The following SSC4D variants were observed in gnomAD, a reference collection of about 807,000 sequenced individuals.
SSC4D encodes scavenger receptor cysteine-rich domain-containing group B protein.
SSC4D carries 57 observed loss-of-function variants against 63.4 expected under a neutral mutation model. The observed-to-expected ratio is 0.90, with a 90% CI of 0.73 to 1.12. SSC4D has a LOEUF of 1.12. Among genes scored for constraint, SSC4D ranks in the 50% most tolerant of loss-of-function variants. SSC4D has a pLI of 0.00. For synonymous variants in SSC4D, 352 were observed against 345.4 expected, an observed-to-expected ratio of 1.02 and a Z score of -0.21; for missense variants, 791 against 806.4, an observed-to-expected ratio of 0.98 and a Z score of 0.23.
At chr7:76,397,283 A>C (rs1247406661) in intron 6 of SSC4D, among the ~76,000 whole-genome samples, 1 of 152,182 alleles carries the variant, frequency 6.6e-6, no homozygotes, top group East Asian at 1.9e-4. Flanking sequence ...GATTAGTGCA[A>C]TATTGTTTCA....
chr7:76,400,112 AG>A (rs1398464374), intron 4 of SSC4D, among the ~76,000 whole-genome samples, 173 bp downstream of exon 4: 1 of 152,202 alleles, frequency 6.6e-6, no homozygotes, highest in African/African-American at 2.4e-5. Flanking sequence ...GCAATGACCC[AG>A]AAGAATCCCT....
chr7:76,391,153 G>A (rs1804487091), intron 10 of SSC4D, among the ~76,000 whole-genome samples: 1 of 150,704 alleles, frequency 6.6e-6, no homozygotes, highest in Admixed American at 6.6e-5. Flanking sequence ...ATAAGATGGG[G>A]CCAGGCGCAG....
chr7:76,398,704 C>T lies in SSC4D; in HGVS notation c.553+16G>A. ...TCTCCCAAAACCCAGGTGGTGCCCA[C>T]ATTATGCTTACGTACTTTTTCCATT... On this transcript the variant is annotated intron_variant, in intron 5 of 10. Transcript: ENST00000275560. The T allele has an allele frequency of 6.2e-7, 1 of 1,612,176 alleles. No individual in the cohort carries two copies. Among genetic ancestry groups the T allele is most frequent in the Middle Eastern group, 1.7e-4 (1 of 5,990 alleles).
At position 76,400,305 on chromosome 7, in the gene SSC4D, A is replaced by T. The variant is rs1804774699; in HGVS notation, c.456T>A (p.Asp152Glu). 6.7e-7 allele frequency: 1 copy of T among 1,496,460 alleles called. No individual in the cohort carries two copies. The allele number at this position is 1,496,460 out of a possible 1,614,324, so 92.7% of individuals were successfully genotyped here. A position where few individuals can be genotyped will look rare whatever the true frequency, so the allele number is the denominator to read the frequency against. ...ACTCACCATCACACAGGACAGCCAC[A>T]TCCTCGTAGTGAAAGCAATTGTGGA... ...WGVHNCFHYE[D>E]VAVLCDEFLP... Residue 152 changes from aspartate to glutamate, a missense_variant, in exon 4 of 11, where the codon GAT becomes GAA. By Grantham distance (45) the Asp-to-Glu change is conservative (BLOSUM62 2). Coordinates refer to ENST00000275560, the MANE Select transcript of SSC4D (RefSeq NM_080744.2).
At chr7:76,400,962 C>T in intron 3 of SSC4D, 46 bp downstream of exon 3, 3 of 1,550,796 alleles carry the variant, frequency 1.9e-6, no homozygotes, top group Non-Finnish European at 2.6e-6. Flanking sequence ...GGCTGGAGTA[C>T]CTGGCGGACA....
At chr7:76,398,078 T>G (rs1028271638) in intron 5 of SSC4D, among the ~76,000 whole-genome samples, 2 of 152,124 alleles carry the variant, frequency 1.3e-5, no homozygotes, top group Non-Finnish European at 2.9e-5. Flanking sequence ...TGCCTTCTCA[T>G]CTACTGCAAA....
Position 76,397,569 on chromosome 7 carries a change from A to G in SSC4D, c.817T>C (p.Trp273Arg). ...TGGTGGCCGCAGTTGTGCACACCCC[A>G]GCCCAGGCTCTGGCAGGCTGCCAGG... ...PRLAACQSLG[W>R]GVHNCGHHED... is the part of the protein sequence containing the mutation. Residue 273 changes from tryptophan (W) to arginine (R), a missense_variant, in exon 6 of 11, where the codon TGG becomes CGG. By Grantham distance (101) the Trp-to-Arg change is moderately radical. Transcript: ENST00000275560. The G allele has an allele frequency of 6.2e-7, 1 of 1,607,238 alleles. No homozygotes were observed. The highest frequency in any genetic ancestry group is 1.7e-4 in the Middle Eastern group (1 of 6,008).
intron 2 of SSC4D, among the ~76,000 whole-genome samples, chr7:76,403,547 G>A (rs138661702): frequency 0.18 from 27,627 of 151,230 alleles, 2,753 homozygotes; most frequent in South Asian, 0.25. Context: ...CATGTTGGCC[G>A]GGCTGGTCCT....
At chr7:76,393,267 G>A in intron 9 of SSC4D, 138 bp downstream of exon 9, 1 of 907,988 alleles carries the variant, frequency 1.1e-6, no homozygotes, top group South Asian at 5.7e-5. Context: ...GCACGGCGGG[G>A]CGGCGCCCCT....
At position 76,393,819 on chromosome 7, in the gene SSC4D, C is replaced by T; in HGVS notation, c.1021+11G>A. The stretch of plus-strand genomic sequence containing the variant: ...TCCCCATCCCCCGCAGACCCAGGCA[C>T]CGCCACTTACTTTTCTTCCCCGCGG... On this transcript the variant is annotated intron_variant, in intron 8 of 10. Coordinates refer to ENST00000275560, the MANE Select transcript of SSC4D (RefSeq NM_080744.2). 6.3e-7 allele frequency: 1 copy of T among 1,582,128 alleles called. No homozygotes were observed. The highest frequency in any genetic ancestry group is 8.6e-7 in the Non-Finnish European group (1 of 1,162,566).
chr7:76,393,453 C>A lies in SSC4D; in HGVS notation c.1285G>T (p.Gly429Cys). The A allele has an allele frequency of 1.3e-6, 2 of 1,538,418 alleles. No homozygotes were observed. The highest frequency in any genetic ancestry group is 1.7e-6 in the Non-Finnish European group (2 of 1,150,880). ...TCGTGGTGGCCGCAGTTGTGCTGGC[C>A]CCAGCCCAGGTGGAAGCAGTCGCTC... Reference protein sequence around the residue: ...RLSDCFHLGWGQHNCGHHEDA... With the variant: ...RLSDCFHLGWCQHNCGHHEDA... Residue 429 changes from glycine (G) to cysteine (C), a missense_variant, in exon 9 of 11, where the codon GGC becomes TGC. Transcript: ENST00000275560.
chr7:76,398,309 A>ATTTTTTTTT (rs575917641), intron 5 of SSC4D, among the ~76,000 whole-genome samples: 1 of 127,212 alleles, frequency 7.9e-6, no homozygotes, highest in Non-Finnish European at 1.7e-5. Flanking sequence ...TTCATTTTCT[A>ATTTTTTTTT]TTTTTTTTTT....
At chr7:76,398,027 C>T (rs1804697808) in intron 5 of SSC4D, among the ~76,000 whole-genome samples, 195 bp from the exon 6 acceptor site, 1 of 152,066 alleles carries the variant, frequency 6.6e-6, no homozygotes, top group Non-Finnish European at 1.5e-5. Context: ...AAAACCAACC[C>T]CCCTACCCTG....
intron 5 of SSC4D, among the ~76,000 whole-genome samples, chr7:76,398,481 T>A (rs1804712531): frequency 6.6e-6 from 1 of 152,034 alleles, no homozygotes; most frequent in South Asian, 2.1e-4. Flanking sequence ...ATTTTTGTAT[T>A]TTTTGTAGAG....
chr7:76,397,639 T>C lies in SSC4D; in HGVS notation c.747A>G (p.Gly249=), dbSNP rs754853681. ...AGTGCACGTTGTCCAGCAGGATGTG[T>C]CCGGTGCCATAGCCGAAGAAGGCGT... ...TTNAFFGYGT[G]HILLDNVHCE... is the part of the protein sequence containing the mutation. The change falls in exon 6 of 11, where the codon GGA becomes GGG. Residue 249 remains glycine (G), a synonymous_variant. Coordinates refer to ENST00000275560, the MANE Select transcript of SSC4D (RefSeq NM_080744.2). The C allele has an allele frequency of 2.5e-6, 4 of 1,613,672 alleles. No individual in the cohort carries two copies. The highest frequency in any genetic ancestry group is 2.2e-5 in the East Asian group (1 of 44,860).
rs556581979 is a variant in SSC4D, at chr7:76,398,775, T to G, written c.498A>C (p.Pro166=). Residue 166 remains proline (P), a synonymous_variant, in exon 5 of 11, where the codon CCA becomes CCC. Coordinates refer to ENST00000275560, the MANE Select transcript of SSC4D (RefSeq NM_080744.2). ...LCDEFLPTQP[P]TRKMLTSRAP... ...CTCTACTGGTTAACATCTTCCTTGTTGGGGGCTGCGTTGGCAAGAATTCTG... is the reference window on the plus strand; with the variant it reads ...CTCTACTGGTTAACATCTTCCTTGTGGGGGGCTGCGTTGGCAAGAATTCTG... The G allele has an allele frequency of 6.2e-7, 1 of 1,613,138 alleles. No homozygotes were observed. Among genetic ancestry groups the G allele is most frequent in the East Asian group, 2.2e-5 (1 of 44,860 alleles).
In SSC4D at chr7:76,393,515, A is replaced by G. The variant is rs370293993; in HGVS notation, c.1223T>C (p.Leu408Pro). The part of the protein sequence containing the change: ...HFGYGRGPVL[L>P]DNVGCAGTEA... ...GGTGCCGGCGCAGCCCACGTTGTCC[A>G]GCAGCACGGGGCCGCGGCCGTAGCC... The change falls in exon 9 of 11, where the codon CTG becomes CCG. Residue 408 changes from leucine to proline, a missense_variant. Physicochemically the swap from Leu to Pro is moderately conservative, Grantham distance 98 (BLOSUM62 -3). Transcript: ENST00000275560. The G allele has an allele frequency of 7.2e-6, 11 of 1,525,688 alleles. No homozygotes were observed. The highest frequency in any genetic ancestry group is 9.6e-6 in the Non-Finnish European group (11 of 1,143,482). The allele number at this position is 1,525,688 out of a possible 1,614,324, so 94.5% of individuals were successfully genotyped here. A position where few individuals can be genotyped will look rare whatever the true frequency, so the allele number is the denominator to read the frequency against.
At chr7:76,408,882 AAC>A (rs1381352998) in intron 1 of SSC4D, among the ~76,000 whole-genome samples, 7 of 152,194 alleles carry the variant, frequency 4.6e-5, no homozygotes, top group Non-Finnish European at 1.0e-4. Context: ...CCGGCAGCCT[AAC>A]ACAGCGGTTC....
rs1007890352 is a variant in SSC4D, at chr7:76,393,553, T to C, written c.1185A>G (p.Gly395=). 16 of 1,520,322 alleles carry C rather than the reference T, an allele frequency of 1.1e-5. No homozygotes were observed. Among genetic ancestry groups the C allele is most frequent in the Non-Finnish European group, 1.4e-5 (16 of 1,140,918 alleles). 94.2% of individuals were successfully genotyped at this position (1,520,322 alleles called of 1,614,324 possible). A position where few individuals can be genotyped will look rare whatever the true frequency, so the allele number is the denominator to read the frequency against. The change falls in exon 9 of 11, where the codon GGA becomes GGG. Residue 395 remains glycine (G), a synonymous_variant. Coordinates refer to ENST00000275560, the MANE Select transcript of SSC4D (RefSeq NM_080744.2). ...CGCGGCCGTAGCCGAAGTGGCCCAG[T>C]CCCGTAGCGCCCAGCGCAGGCCCGC... ...AGCGPALGAT[G]LGHFGYGRGP... is the part of the protein sequence containing the mutation.
Sources: allele counts gnomAD v4.1 joint callset (sites outside exome capture counted in the v4.1 genomes callset), GRCh38; gene constraint gnomAD v4.1.1; transcripts MANE v1.5; gene names NCBI Gene and HGNC (gene_info 2026-07-23, HGNC 2026-07-21).